Variants in HIVEP3 observed in about 807,000 individuals in gnomAD.
HIVEP3 encodes HIVEP zinc finger 3.
Under a neutral mutation model 152.8 loss-of-function variants are expected in HIVEP3, and 49 were observed. The ratio of observed to expected loss-of-function variants is 0.32; its 90% CI spans 0.26 to 0.41. The LOEUF is 0.41. HIVEP3 is among the 10% of genes least tolerant of loss of function. The pLI is 1.00. For missense variants in HIVEP3, 2,790 were observed against 3,103.3 expected (o/e 0.90, Z 2.40); for synonymous variants, 1,269 against 1,289.0 (o/e 0.98, Z 0.33).
At chr1:41,807,588 C>T (rs1223033691) in intron 1 of HIVEP3, among the ~76,000 whole-genome samples, 19 of 152,178 alleles carry the variant, frequency 1.2e-4, no homozygotes, top group Admixed American at 1.2e-3. Flanking sequence ...ATTTTCCCAG[C>T]CTGTCACCTC....
At chr1:41,962,569 T>C (rs1452433679) in intron 1 of HIVEP3, among the ~76,000 whole-genome samples, 1 of 152,230 alleles carries the variant, frequency 6.6e-6, no homozygotes, top group Non-Finnish European at 1.5e-5. Context: ...TATTATGCTC[T>C]TTCTCTGGTT....
At chr1:41,719,559 T>C (rs1247546758) in intron 1 of HIVEP3, among the ~76,000 whole-genome samples, 2 of 152,238 alleles carry the variant, frequency 1.3e-5, no homozygotes, top group African/African-American at 4.8e-5. Flanking sequence ...AGAGCAGATG[T>C]TCCTGAACTA....
chr1:41,528,673 A>C (rs1449531725), intron 5 of HIVEP3, among the ~76,000 whole-genome samples: 2 of 76,638 alleles, frequency 2.6e-5, no homozygotes, highest in Admixed American at 1.4e-4. Context: ...TCACCTTCAC[A>C]CTCACACCCC....
In HIVEP3 at chr1:41,762,602, A is replaced by T. The variant is rs373057405; in HGVS notation, c.-800-61607T>A. 3.9e-5 allele frequency among the ~76,000 whole-genome samples: 6 copies of T among 152,192 alleles called. No homozygotes were observed. In the East Asian group the frequency reaches 1.2e-3, roughly 29 times the overall value. On this transcript the variant is annotated intron_variant, in intron 1 of 8. Transcript: ENST00000372583. ...GAGTCCACCACAGCAGTCGGTCATG[A>T]CATGCCTGGTCCAAATGCAAGCCCC...
chr1:41,791,162 A>G (rs1017434225), intron 1 of HIVEP3, among the ~76,000 whole-genome samples: 5 of 140,360 alleles, frequency 3.6e-5, no homozygotes, highest in Non-Finnish European at 7.7e-5. Flanking sequence ...ACACACACAC[A>G]CACGAGTCTA....
At chr1:41,956,953 G>T (rs1409317688) in intron 1 of HIVEP3, among the ~76,000 whole-genome samples, 1 of 152,092 alleles carries the variant, frequency 6.6e-6, no homozygotes, top group Non-Finnish European at 1.5e-5. Context: ...CCTTAGGATG[G>T]GTGAGAAGGA....
intron 2 of HIVEP3, among the ~76,000 whole-genome samples, chr1:41,654,861 G>A (rs1043570922): frequency 2.0e-5 from 3 of 152,180 alleles, no homozygotes; most frequent in African/African-American, 7.2e-5. Context: ...GGGTTTGAGT[G>A]TCCATTCTGC....
In HIVEP3 at chr1:41,668,317, C is replaced by T. The variant is rs190970058; in HGVS notation, c.-721+32599G>A. Among the ~76,000 whole-genome samples the T allele has an allele frequency of 1.6e-3, 237 of 152,308 alleles. 1 individual carries two copies. Among genetic ancestry groups the T allele is most frequent in the African/African-American group, 5.4e-3 (225 of 41,556 alleles). Reference sequence around the variant, plus strand: ...CAGTGAATGCTGCCGAAGACATGGGCGAGAGAGATGAATACGGGAGGGGTG... The same window carrying T: ...CAGTGAATGCTGCCGAAGACATGGGTGAGAGAGATGAATACGGGAGGGGTG... On this transcript the variant is annotated intron_variant, in intron 2 of 8. Transcript: ENST00000372583.
chr1:41,603,989 C>A (rs574800127), intron 3 of HIVEP3, among the ~76,000 whole-genome samples: 1 of 152,358 alleles, frequency 6.6e-6, no homozygotes, highest in Non-Finnish European at 1.5e-5. Flanking sequence ...AAATCTACAA[C>A]ACATTCACCA....
chr1:41,588,214 G>A (rs1260123045), intron 3 of HIVEP3, among the ~76,000 whole-genome samples: 1 of 152,168 alleles, frequency 6.6e-6, no homozygotes, highest in Non-Finnish European at 1.5e-5. Flanking sequence ...TGATGGAGAG[G>A]CCTTTGGGTG....
chr1:41,510,358 T>C lies in HIVEP3; in HGVS notation c.*93A>G. 1 of 1,138,814 alleles carries C rather than the reference T, an allele frequency of 8.8e-7. No homozygotes were observed. Among genetic ancestry groups the C allele is most frequent in the Non-Finnish European group, 1.2e-6 (1 of 854,822 alleles). The allele number at this position is 1,138,814 out of a possible 1,614,324, so 70.5% of individuals were successfully genotyped here. On this transcript the variant is annotated 3_prime_UTR_variant, in exon 9 of 9. Transcript: ENST00000372583. ...GAGAGCTCCTGGACGGAGGGACAGA[T>C]GGGGCTGAGGAAGTGGGATGATTCG... is the stretch of plus-strand genomic sequence containing the variant.
At chr1:41,671,486 A>G (rs955118814) in intron 2 of HIVEP3, among the ~76,000 whole-genome samples, 2 of 152,206 alleles carry the variant, frequency 1.3e-5, no homozygotes, top group Non-Finnish European at 2.9e-5. Context: ...AGGCCCTGCC[A>G]TGGGGAAGGC....
At chr1:42,006,088 A>G (rs889082783) in intron 1 of HIVEP3, among the ~76,000 whole-genome samples, 1 of 152,230 alleles carries the variant, frequency 6.6e-6, no homozygotes, top group Non-Finnish European at 1.5e-5. Context: ...TCGTTGGATC[A>G]TTGCTAGATG....
intron 1 of HIVEP3, among the ~76,000 whole-genome samples, chr1:41,938,780 C>A (rs1451605978): frequency 6.6e-6 from 1 of 152,122 alleles, no homozygotes; most frequent in African/African-American, 2.4e-5. Flanking sequence ...TTCTCATAAC[C>A]TAAATACAAA....
intron 1 of HIVEP3, among the ~76,000 whole-genome samples, chr1:41,885,856 C>T (rs1042859481): frequency 6.9e-5 from 10 of 145,364 alleles, no homozygotes; most frequent in South Asian, 2.4e-4. Flanking sequence ...ACAAGGTAAA[C>T]GAGCTTTCAA....
At chr1:41,824,378 T>C (rs1642695494) in intron 1 of HIVEP3, among the ~76,000 whole-genome samples, 1 of 152,228 alleles carries the variant, frequency 6.6e-6, no homozygotes, top group Non-Finnish European at 1.5e-5. Flanking sequence ...TGAAACTTAA[T>C]ACAATCTACC....
rs1644439851 is a variant in HIVEP3 at position 41,582,989 on chromosome 1, A to C, written c.1809T>G (p.Ser603=). Residue 603 remains serine, a synonymous_variant, in exon 4 of 9, where the codon TCT becomes TCG. Transcript: ENST00000372583. The surrounding 1 kb of genome is among the most constrained non-coding windows in gnomAD (Gnocchi z 4.7). ...IELPLGGEYS[S]EEPGPSSKDT... The stretch of plus-strand genomic sequence containing the variant: ...CTTTGCTGCTTGGGCCAGGCTCCTC[A>C]GAACTGTATTCCCCTCCCAAAGGTA... 1 of 1,614,092 alleles carries C rather than the reference A, an allele frequency of 6.2e-7. No homozygotes were observed. The highest frequency in any genetic ancestry group is 8.5e-7 in the Non-Finnish European group (1 of 1,180,018).
At chr1:41,585,519 G>T (rs1254600194) in intron 3 of HIVEP3, among the ~76,000 whole-genome samples, 1 of 152,018 alleles carries the variant, frequency 6.6e-6, no homozygotes, top group Non-Finnish European at 1.5e-5. Flanking sequence ...TTCCTCCCCC[G>T]CTCCCATGTC....
intron 2 of HIVEP3, among the ~76,000 whole-genome samples, chr1:41,656,261 A>C (rs952524929): frequency 8.5e-5 from 13 of 152,224 alleles, no homozygotes; most frequent in African/African-American, 3.1e-4. Flanking sequence ...GTATTCACTC[A>C]GCACTTGCAC....
Sources: gnomAD v4.1 joint callset for allele counts (sites outside exome capture counted in the v4.1 genomes callset) on GRCh38, gnomAD v4.1.1 for gene constraint, Gnocchi (gnomAD v3.1) non-coding constraint, MANE v1.5 for transcripts, NCBI Gene and HGNC (gene_info 2026-07-23, HGNC 2026-07-21) for gene names.